Variants in DNAJC13 observed in about 807,000 individuals in gnomAD.
The protein encoded by DNAJC13 is DnaJ heat shock protein family (Hsp40) member C13.
Under a neutral mutation model 290.5 loss-of-function variants are expected in DNAJC13, and 75 were observed. That is an observed-to-expected ratio of 0.26 (90% CI 0.21 to 0.31). The LOEUF (loss-of-function observed/expected upper bound fraction) is 0.31. DNAJC13 is among the 10% of genes least tolerant of loss of function. The pLI is 1.00. For missense variants in DNAJC13, 2,260 were observed against 2,674.5 expected, an observed-to-expected ratio of 0.85 and a Z score of 3.42; for synonymous variants, 862 against 892.0, an observed-to-expected ratio of 0.97 and a Z score of 0.60.
chr3:132,507,090 A>G (rs190584781), intron 42 of DNAJC13, 147 bp from the exon 43 acceptor site: 4 of 503,442 alleles, frequency 7.9e-6, no homozygotes, highest in African/African-American at 5.9e-5. Flanking sequence ...GCCTATTCCA[A>G]AGTCTTTTTA....
intron 20 of DNAJC13, among the ~76,000 whole-genome samples, chr3:132,468,446 C>A (rs868780005): frequency 7.2e-5 from 11 of 152,118 alleles, no homozygotes; most frequent in African/African-American, 2.2e-4. Context: ...ATGTTCAATT[C>A]TTTAGAGCTC....
chr3:132,533,463 G>C (rs1936490796), intron 55 of DNAJC13, among the ~76,000 whole-genome samples: 1 of 150,500 alleles, frequency 6.6e-6, no homozygotes, highest in Non-Finnish European at 1.5e-5. Context: ...AGCCTCACAA[G>C]TAGCTGAGAT....
intron 39 of DNAJC13, among the ~76,000 whole-genome samples, chr3:132,501,469 G>A (rs1935409979): frequency 1.3e-5 from 2 of 151,976 alleles, no homozygotes; most frequent in Admixed American, 6.6e-5. Flanking sequence ...CTGGCATGCT[G>A]ACACCCTATG....
Position 132,503,306 on chromosome 3 carries a change from A to G in DNAJC13, c.4809A>G (p.Pro1603=), listed in dbSNP as rs1935480044. The G allele has an allele frequency of 6.2e-7, 1 of 1,614,050 alleles. No homozygotes were observed. The highest frequency in any genetic ancestry group is 1.7e-5 in the Admixed American group (1 of 60,002). Residue 1603 remains proline, a synonymous_variant, in exon 41 of 56, where the codon CCA becomes CCG. Transcript: ENST00000260818. ...AAGAACAAGCAACTCCAGAAAATCC[A>G]ACCATAAGGAAAAGCTTAGCTGGCA... ...LAEEQATPEN[P]TIRKSLAGML...
chr3:132,460,336 G>A lies in DNAJC13; in HGVS notation c.1536G>A (p.Leu512=). ...CAAAGAAGTTTCTGGAAAACTTACT[G>A]GAGAAATTTAATTCCCATGTGGTAA... ...LSSKKFLENL[L]EKFNSHVDHG... is the part of the protein sequence containing the mutation. The change falls in exon 14 of 56, where the codon CTG becomes CTA. Residue 512 remains leucine (L), a synonymous_variant. Coordinates refer to ENST00000260818, the MANE Select transcript of DNAJC13 (RefSeq NM_015268.4). 6.2e-7 allele frequency: 1 copy of A among 1,608,486 alleles called. No homozygotes were observed. The highest frequency in any genetic ancestry group is 8.5e-7 in the Non-Finnish European group (1 of 1,175,834).
At chr3:132,458,376 T>C (rs1222516920) in intron 13 of DNAJC13, 1 of 152,226 alleles carries the variant, frequency 6.6e-6, no homozygotes, top group Non-Finnish European at 1.5e-5. Context: ...TATTTACTGT[T>C]CCAAACAAGT....
intron 20 of DNAJC13, among the ~76,000 whole-genome samples, chr3:132,472,074 G>T (rs1279018044): frequency 6.6e-6 from 1 of 150,654 alleles, no homozygotes; most frequent in Non-Finnish European, 1.5e-5. Flanking sequence ...GCGAAACCCC[G>T]TCTCCACCAA....
At chr3:132,423,243 C>T (rs748207244) in intron 1 of DNAJC13, among the ~76,000 whole-genome samples, 7 of 152,178 alleles carry the variant, frequency 4.6e-5, no homozygotes, top group South Asian at 4.1e-4. Flanking sequence ...TGTGTTGCTG[C>T]GTTTCAGTCT....
At chr3:132,537,549 T>G (rs1936634852) in intron 55 of DNAJC13, among the ~76,000 whole-genome samples, 1 of 152,252 alleles carries the variant, frequency 6.6e-6, no homozygotes, top group South Asian at 2.1e-4. Context: ...ATATGGCATT[T>G]TCATGCAATA....
chr3:132,525,889 C>T (rs184224310), intron 52 of DNAJC13, 100 bp downstream of exon 52: 2 of 1,367,690 alleles, frequency 1.5e-6, no homozygotes, highest in East Asian at 4.7e-5. Context: ...CCCCTTTCTG[C>T]CATGTGTCTT....
chr3:132,453,451 T>G lies in DNAJC13; in HGVS notation c.691T>G (p.Ser231Ala), dbSNP rs367584768. ...LRFGKYSTDE[S>A]ITSLAEFVVQ... Reference sequence around the variant, plus strand: ...CTTTGGAAAATACAGCACTGATGAATCCATCACATCTTTAGCAGAGTTTGT... The same window carrying G: ...CTTTGGAAAATACAGCACTGATGAAGCCATCACATCTTTAGCAGAGTTTGT... Residue 231 changes from serine to alanine, a missense_variant, in exon 7 of 56, where the codon TCC becomes GCC. Ser to Ala is a moderately conservative substitution (Grantham distance 99). Coordinates refer to ENST00000260818, the MANE Select transcript of DNAJC13 (RefSeq NM_015268.4). The G allele has an allele frequency of 2.0e-5, 33 of 1,613,840 alleles. No individual in the cohort carries two copies. In the African/African-American group the frequency reaches 3.2e-4, roughly 16 times the overall value.
intron 55 of DNAJC13, 86 bp downstream of exon 55, chr3:132,531,183 G>A (rs3816529): frequency 1.7e-6 from 2 of 1,147,942 alleles, no homozygotes; most frequent in East Asian, 4.8e-5. Flanking sequence ...TTAAAATTGT[G>A]TTCAGAGTGT....
chr3:132,476,499 G>A (rs1249730805), intron 22 of DNAJC13, among the ~76,000 whole-genome samples: 1 of 152,166 alleles, frequency 6.6e-6, no homozygotes, highest in Non-Finnish European at 1.5e-5. Flanking sequence ...ACATTGGAGG[G>A]TTACCTTGTT....
At chr3:132,522,272 T>G (rs2107743787) in intron 48 of DNAJC13, among the ~76,000 whole-genome samples, 2 of 152,334 alleles carry the variant, frequency 1.3e-5, no homozygotes, top group South Asian at 4.1e-4. Flanking sequence ...CACATGAATT[T>G]TCATTTTGTC....
chr3:132,417,881 C>G (rs1439157445), intron 1 of DNAJC13, 121 bp downstream of exon 1: 2 of 153,116 alleles, frequency 1.3e-5, no homozygotes, highest in Non-Finnish European at 2.9e-5. Context: ...CAGCCTGCAG[C>G]TGCTAAGGAA....
chr3:132,505,414 A>G lies in DNAJC13; in HGVS notation c.4997A>G (p.Lys1666Arg), dbSNP rs1935553490. The stretch of plus-strand genomic sequence containing the variant: ...TCCCAACAAGAAAACATGATTAAAA[A>G]AGTATGTTATTGTTTTATAAATTTC... ...LESQQENMIK[K>R]GDCDKTYGSE... The change falls in exon 42 of 56, where the codon AAA becomes AGA. Residue 1666 changes from lysine (K) to arginine (R), a missense_variant and splice_region_variant. By Grantham distance (26) the Lys-to-Arg change is conservative (BLOSUM62 2). This residue lies in a region of DNAJC13 where 1,494 missense variants were observed against 1,693.7 expected (regional missense o/e 0.88). Coordinates refer to ENST00000260818, the MANE Select transcript of DNAJC13 (RefSeq NM_015268.4). 2 of 1,560,956 alleles carry G rather than the reference A, an allele frequency of 1.3e-6. No individual in the cohort carries two copies. Among genetic ancestry groups the G allele is most frequent in the Non-Finnish European group, 1.8e-6 (2 of 1,135,536 alleles).
chr3:132,445,332 G>A (rs187749857), intron 2 of DNAJC13, among the ~76,000 whole-genome samples: 6 of 151,976 alleles, frequency 3.9e-5, no homozygotes, highest in African/African-American at 9.6e-5. Flanking sequence ...TTCTAATATT[G>A]AAGTGTTTAC....
intron 42 of DNAJC13, among the ~76,000 whole-genome samples, chr3:132,506,512 AT>A (rs1373088938): frequency 2.0e-5 from 1 of 48,902 alleles, no homozygotes; most frequent in African/African-American, 8.7e-5. Context: ...TTCCTCCTCT[AT>A]TTTTTAGCAC....
intron 32 of DNAJC13, among the ~76,000 whole-genome samples, 161 bp from the exon 33 acceptor site, chr3:132,492,253 A>G (rs535077569): frequency 2.0e-5 from 3 of 152,282 alleles, no homozygotes; most frequent in Admixed American, 2.0e-4. Flanking sequence ...TGTTTGTACA[A>G]TAAAATGCCC....
Sources: allele counts gnomAD v4.1 joint callset (sites outside exome capture counted in the v4.1 genomes callset), GRCh38; gene constraint gnomAD v4.1.1; regional missense constraint gnomAD v4.1.1; transcripts MANE v1.5; gene names NCBI Gene and HGNC (gene_info 2026-07-23, HGNC 2026-07-21).